SLC2A5: variants seen among roughly 807,000 people sequenced by gnomAD.
SLC2A5 encodes the protein solute carrier family 2, facilitated glucose transporter member 5.
A neutral mutation model predicts 50.3 loss-of-function variants in SLC2A5; 56 were observed. That is an observed-to-expected ratio of 1.11 (90% CI 0.90 to 1.39). The LOEUF is 1.39. SLC2A5 is among the 40% of genes most tolerant of loss of function. The pLI is 0.00. For missense variants in SLC2A5, 566 were observed against 650.1 expected, an observed-to-expected ratio of 0.87 and a Z score of 1.41; for synonymous variants, 269 against 281.9, an observed-to-expected ratio of 0.95 and a Z score of 0.46.
chr1:9,038,460 G>A lies in SLC2A5; in HGVS notation c.1145C>T (p.Ser382Phe). ...CCCGAGGGCATGTCCTATGACGTAG[G>A]AGATGACACAGACGATGCTGATGTA... ...MPYISIVCVI[S>F]YVIGHALGPS... Residue 382 changes from serine to phenylalanine, a missense_variant, in exon 10 of 12, where the codon TCC becomes TTC. Physicochemically the swap from Ser to Phe is radical, Grantham distance 155. Coordinates refer to ENST00000377424, the MANE Select transcript of SLC2A5 (RefSeq NM_003039.3). 1 of 1,613,756 alleles carries A rather than the reference G, an allele frequency of 6.2e-7. No homozygotes were observed. The highest frequency in any genetic ancestry group is 8.5e-7 in the Non-Finnish European group (1 of 1,179,836).
Position 9,077,819 on chromosome 1 carries a change from G to C in SLC2A5, c.-59+7195C>G, listed in dbSNP as rs185795514. Among the ~76,000 whole-genome samples the C allele has an allele frequency of 1.5e-4, 23 of 151,390 alleles. No homozygotes were observed. The East Asian group carries it at 4.5e-3, about 30-fold the overall frequency. ...GAAGGAAGGAAGGAAGGACAGGAGGGAGGGAGGGGCAATGGGAGTGTTGGT... is the reference window on the plus strand; with the variant it reads ...GAAGGAAGGAAGGAAGGACAGGAGGCAGGGAGGGGCAATGGGAGTGTTGGT... On this transcript the variant is annotated intron_variant, in intron 2 of 5. Coordinates refer to the SLC2A5 transcript ENST00000464985.
At position 9,039,849 on chromosome 1, in the gene SLC2A5, A is replaced by C. The variant is rs1162595818; in HGVS notation, c.836T>G (p.Leu279Arg). The change falls in exon 7 of 12, where the codon CTG (leucine) becomes CGG (arginine). Residue 279 changes from leucine to arginine, a missense_variant. Coordinates refer to ENST00000377424, the MANE Select transcript of SLC2A5 (RefSeq NM_003039.3). ...GCCGCCCATGAGGACGATGATGGAC[A>C]GCAGCTGCCAGCGCAGCGAGCGCAT... is the stretch of plus-strand genomic sequence containing the variant. ...FRMRSLRWQL[L>R]SIIVLMGGQQ... 6.2e-7 allele frequency: 1 copy of C among 1,610,396 alleles called. No homozygotes were observed. The highest frequency in any genetic ancestry group is 1.3e-5 in the African/African-American group (1 of 74,882).
chr1:9,086,232 C>T (rs202000332), intron 1 of SLC2A5, among the ~76,000 whole-genome samples: 2 of 152,086 alleles, frequency 1.3e-5, no homozygotes, highest in Non-Finnish European at 2.9e-5. Context: ...TCTTTCTGCC[C>T]GCTACACAGA....
At chr1:9,075,409 C>T (rs779741276) in intron 2 of SLC2A5, among the ~76,000 whole-genome samples, 9 of 152,232 alleles carry the variant, frequency 5.9e-5, no homozygotes, top group South Asian at 4.1e-4. Flanking sequence ...CCTTGCAGTC[C>T]GCTCCTCTTC....
chr1:9,038,827 C>A lies in SLC2A5; in HGVS notation c.1098+1G>T, dbSNP rs1317522894. The stretch of plus-strand genomic sequence containing the variant: ...CTCCTGGGACCCTGGCCTGTCCTCA[C>A]CTGCAGTGCCAGAGCTGCAGTGAGC... On this transcript the variant is annotated splice_donor_variant, in intron 9 of 11. Transcript: ENST00000377424. LOFTEE classifies it high-confidence loss of function. 6.2e-7 allele frequency: 1 copy of A among 1,604,874 alleles called. No individual in the cohort carries two copies. Among genetic ancestry groups the A allele is most frequent in the African/African-American group, 1.3e-5 (1 of 74,972 alleles).
intron 5 of SLC2A5, chr1:9,041,161 A>G (rs1373784775): frequency 2.6e-6 from 1 of 381,178 alleles, no homozygotes; most frequent in African/African-American, 2.1e-5. Flanking sequence ...CCCTGGCGGG[A>G]ACTGGCTTAT....
In SLC2A5 at chr1:9,039,788, C is replaced by A; in HGVS notation, c.885+12G>T. ...GCCCTCCCCAGCTCCCGAGCCGCAG[C>A]CCGGCCCATACAGCGTTGACGCCCG... On this transcript the variant is annotated intron_variant, in intron 7 of 11. Coordinates refer to ENST00000377424, the MANE Select transcript of SLC2A5 (RefSeq NM_003039.3). The A allele has an allele frequency of 1.3e-6, 2 of 1,537,696 alleles. No individual in the cohort carries two copies. Among genetic ancestry groups the A allele is most frequent in the African/African-American group, 1.4e-5 (1 of 71,836 alleles).
chr1:9,084,143 A>G (rs1022058995), intron 2 of SLC2A5, among the ~76,000 whole-genome samples: 5 of 149,390 alleles, frequency 3.3e-5, no homozygotes, highest in Middle Eastern at 3.4e-3. Context: ...CTCCGTCTCA[A>G]AAAAAAAAAA....
intron 2 of SLC2A5, among the ~76,000 whole-genome samples, chr1:9,081,395 G>A (rs763751888): frequency 2.1e-5 from 3 of 146,202 alleles, no homozygotes; most frequent in Admixed American, 6.9e-5. Context: ...TATTCCCAGC[G>A]ACTTGGGAAG....
intron 2 of SLC2A5, among the ~76,000 whole-genome samples, chr1:9,084,113 C>T (rs1271011250): frequency 6.6e-6 from 1 of 151,930 alleles, no homozygotes; most frequent in East Asian, 1.9e-4. Context: ...CACTGCACTC[C>T]AGCCTGGGCG....
At chr1:9,086,112 T>A (rs181308368) in intron 1 of SLC2A5, among the ~76,000 whole-genome samples, 1 of 152,136 alleles carries the variant, frequency 6.6e-6, no homozygotes, top group Non-Finnish European at 1.5e-5. Flanking sequence ...ATCTTCATGA[T>A]CACTTGGATA....
At chr1:9,073,761 T>C (rs1413213414), upstream of SLC2A5, among the ~76,000 whole-genome samples, 1 of 152,196 alleles carries the variant, frequency 6.6e-6, no homozygotes, top group Non-Finnish European at 1.5e-5. Context: ...GCTTCTGTAC[T>C]GTGAGTTAGT....
Position 9,038,924 on chromosome 1 carries a change from G to A in SLC2A5, c.1002C>T (p.Phe334=), listed in dbSNP as rs1215704368. 4 of 1,612,348 alleles carry A rather than the reference G, an allele frequency of 2.5e-6. No homozygotes were observed. Among genetic ancestry groups the A allele is most frequent in the South Asian group, 2.2e-5 (2 of 90,952 alleles). Residue 334 remains phenylalanine, a synonymous_variant, in exon 9 of 12, where the codon TTC becomes TTT. Transcript: ENST00000377424. ...VNVVMTFCAV[F]VVELLGRRLL... is the part of the protein sequence containing the mutation. The stretch of plus-strand genomic sequence containing the variant: ...GCCTCCGACCCAGGAGCTCCACCAC[G>A]AACACCTACAGGAGGGTGGCAGGGC...
At chr1:9,060,585 CCA>C (rs1641910176) in intron 1 of SLC2A5, among the ~76,000 whole-genome samples, 1 of 123,968 alleles carries the variant, frequency 8.1e-6, no homozygotes, top group African/African-American at 2.7e-5. Flanking sequence ...CACCCACCCC[CCA>C]CACACATAGG....
intron 3 of SLC2A5, among the ~76,000 whole-genome samples, chr1:9,055,322 C>T (rs1480782095): frequency 1.3e-5 from 2 of 152,068 alleles, no homozygotes; most frequent in African/African-American, 4.8e-5. Context: ...TTGAGACCAG[C>T]CTGGCCAACA....
chr1:9,090,692 T>C (rs1319741765), upstream of SLC2A5, among the ~76,000 whole-genome samples: 1 of 152,172 alleles, frequency 6.6e-6, no homozygotes, highest in Non-Finnish European at 1.5e-5. Flanking sequence ...CCTCTCAAAA[T>C]CTTTTTGCTC....
At chr1:9,086,852 A>G (rs1403467475) in intron 1 of SLC2A5, among the ~76,000 whole-genome samples, 1 of 152,134 alleles carries the variant, frequency 6.6e-6, no homozygotes, top group East Asian at 1.9e-4. Context: ...CCTAAGTTCC[A>G]CTTGATTAAA....
chr1:9,054,031 C>T (rs955779728), intron 3 of SLC2A5, among the ~76,000 whole-genome samples: 3 of 151,806 alleles, frequency 2.0e-5, no homozygotes, highest in African/African-American at 7.3e-5. Context: ...AGGTTTATTA[C>T]ATCCGAAGAG....
At chr1:9,055,777 G>T (rs1300607956) in intron 3 of SLC2A5, among the ~76,000 whole-genome samples, 1 of 151,862 alleles carries the variant, frequency 6.6e-6, no homozygotes, top group Non-Finnish European at 1.5e-5. Context: ...TTAGCTGCGC[G>T]TGGTGGCAGA....
Sources: gnomAD v4.1 joint callset for allele counts (sites outside exome capture counted in the v4.1 genomes callset) on GRCh38, gnomAD v4.1.1 for gene constraint, MANE v1.5 for transcripts, NCBI Gene and HGNC (gene_info 2026-07-23, HGNC 2026-07-21) for gene names.